RAB21: variants seen among roughly 807,000 people sequenced by gnomAD.
RAB21 encodes the protein RAB21, member RAS oncogene family.
A neutral mutation model predicts 33.1 loss-of-function variants in RAB21; 13 were observed. The observed-to-expected ratio is 0.39, with a 90% confidence interval of 0.26 to 0.62. The LOEUF is 0.62. Ranked by LOEUF, RAB21 falls within the 20% of genes least tolerant of loss-of-function variation. RAB21 has a pLI of 0.48. For synonymous variants in RAB21, 91 were observed against 103.7 expected (o/e 0.88, Z 0.74); for missense variants, 234 against 279.1 (o/e 0.84, Z 1.15).
chr12:71,757,201 T>C (rs1419486325), intron 1 of RAB21, among the ~76,000 whole-genome samples: 1 of 152,124 alleles, frequency 6.6e-6, no homozygotes, highest in African/African-American at 2.4e-5. Flanking sequence ...CTCCACCTCC[T>C]GGGTCAAGTG....
chr12:71,771,390 A>G lies in RAB21; in HGVS notation c.327+691A>G, dbSNP rs375227154. ...TGTGTAACTACAGGGAATAATGCCA[A>G]GGAAGAAGCTTTTCTTGCCTTGAGT... On this transcript the variant is annotated intron_variant, in intron 3 of 6. Coordinates refer to ENST00000261263, the MANE Select transcript of RAB21 (RefSeq NM_014999.4). 5.2e-4 allele frequency among the ~76,000 whole-genome samples: 79 copies of G among 152,340 alleles called. 1 individual carries two copies. The highest frequency in any genetic ancestry group is 4.6e-3 in the South Asian group (22 of 4,828).
rs1445648400 is a variant in RAB21, at chr12:71,787,232, C to T, written c.*1559C>T. The stretch of plus-strand genomic sequence containing the variant: ...TATTAAAGAATTATATTTGTGTATA[C>T]TTTATAAATTAGTCCCTCATTAGAT... On this transcript the variant is annotated 3_prime_UTR_variant, in exon 7 of 7. Transcript: ENST00000261263. 1.3e-5 allele frequency: 2 copies of T among 152,102 alleles called. No individual in the cohort carries two copies. Among genetic ancestry groups the T allele is most frequent in the Non-Finnish European group, 2.9e-5 (2 of 68,024 alleles). 9.4% of individuals were successfully genotyped at this position (152,102 alleles called of 1,614,324 possible).
At chr12:71,755,492 G>A (rs1882771586) in intron 1 of RAB21, among the ~76,000 whole-genome samples, 1 of 152,184 alleles carries the variant, frequency 6.6e-6, no homozygotes, top group African/African-American at 2.4e-5. Flanking sequence ...TGTTGGGAGG[G>A]AAGTGGAAGG....
Position 71,799,223 on chromosome 12 carries a change from G to A in RAB21, c.*13550G>A, listed in dbSNP as rs1364040474. On this transcript the variant is annotated 3_prime_UTR_variant, in exon 7 of 7. Coordinates refer to ENST00000261263, the MANE Select transcript of RAB21 (RefSeq NM_014999.4). Reference sequence around the variant, plus strand: ...CCAGCAGGGCTCCATGGTGACCAGAGGTTGTAGTTCCCCCAGTGAATCATG... The same window carrying A: ...CCAGCAGGGCTCCATGGTGACCAGAAGTTGTAGTTCCCCCAGTGAATCATG... 1 of 152,182 alleles carries A rather than the reference G, an allele frequency of 6.6e-6. No individual in the cohort carries two copies. The highest frequency in any genetic ancestry group is 1.5e-5 in the Non-Finnish European group (1 of 68,040). 9.4% of individuals were successfully genotyped at this position (152,182 alleles called of 1,614,324 possible). A position where few individuals can be genotyped will look rare whatever the true frequency, so the allele number is the denominator to read the frequency against.
intron 4 of RAB21, among the ~76,000 whole-genome samples, chr12:71,775,754 C>A (rs1286267286): frequency 6.6e-6 from 1 of 152,126 alleles, no homozygotes; most frequent in East Asian, 1.9e-4. Context: ...CCAGGCTGTT[C>A]TCAAACTCCT....
At chr12:71,771,636 C>T (rs1883043391) in intron 3 of RAB21, among the ~76,000 whole-genome samples, 1 of 152,114 alleles carries the variant, frequency 6.6e-6, no homozygotes, top group Non-Finnish European at 1.5e-5. Flanking sequence ...TGTTATCTCC[C>T]TCTCGCGTTT....
In RAB21 at chr12:71,789,316, T is replaced by C. The variant is rs1298639772; in HGVS notation, c.*3643T>C. 6.6e-6 allele frequency: 1 copy of C among 152,120 alleles called. No homozygotes were observed. Among genetic ancestry groups the C allele is most frequent in the Non-Finnish European group, 1.5e-5 (1 of 67,970 alleles). The allele number at this position is 152,120 out of a possible 1,614,324, so 9.4% of individuals were successfully genotyped here. A position where few individuals can be genotyped will look rare whatever the true frequency, so the allele number is the denominator to read the frequency against. On this transcript the variant is annotated 3_prime_UTR_variant, in exon 7 of 7. Coordinates refer to ENST00000261263, the MANE Select transcript of RAB21 (RefSeq NM_014999.4). ...GATACTGTTTATTTCTTTAATTATA[T>C]AATTTGCAATTTTCTGTATTATAAG...
chr12:71,785,667 T>C lies in RAB21; in HGVS notation c.672T>C (p.Ser224=), dbSNP rs759825329. 1 of 1,614,166 alleles carries C rather than the reference T, an allele frequency of 6.2e-7. No homozygotes were observed. Among genetic ancestry groups the C allele is most frequent in the East Asian group, 2.2e-5 (1 of 44,872 alleles). ...CCAGTGGTGGAGGGTGCTGTTCTTC[T>C]GGATAACTGTTCACGCCTAAGAAAT... The part of the protein sequence containing the change: ...AQTSGGGCCS[S]G Residue 224 remains serine, a synonymous_variant, in exon 7 of 7, where the codon TCT becomes TCC. Transcript: ENST00000261263.
At chr12:71,759,965 G>A (rs1214957245) in intron 1 of RAB21, among the ~76,000 whole-genome samples, 1 of 152,146 alleles carries the variant, frequency 6.6e-6, no homozygotes, top group Non-Finnish European at 1.5e-5. Flanking sequence ...ATAGACAGCC[G>A]TCATATGTAA....
intron 1 of RAB21, among the ~76,000 whole-genome samples, chr12:71,760,591 G>T (rs544856026): frequency 3.5e-4 from 54 of 152,196 alleles, no homozygotes; most frequent in Non-Finnish European, 7.3e-4. Context: ...ATAACGATGA[G>T]CAAGGTACTT....
At chr12:71,782,333 A>C (rs1305559244) in intron 5 of RAB21, 1 of 527,764 alleles carries the variant, frequency 1.9e-6, no homozygotes, top group Non-Finnish European at 3.4e-6. Flanking sequence ...GCAGTAAGCC[A>C]GAAAAACTTT....
At position 71,790,930 on chromosome 12, in the gene RAB21, T is replaced by C. The variant is rs1484557080; in HGVS notation, c.*5257T>C. ...AAATAGCCTCTGACTCCATGAAACC[T>C]GAAAAGGAATCTGGTCTGTTAGGTG... On this transcript the variant is annotated 3_prime_UTR_variant, in exon 7 of 7. Transcript: ENST00000261263. The C allele has an allele frequency of 6.6e-6, 1 of 152,020 alleles. No individual in the cohort carries two copies. The highest frequency in any genetic ancestry group is 2.4e-5 in the African/African-American group (1 of 41,408). 9.4% of individuals were successfully genotyped at this position (152,020 alleles called of 1,614,324 possible).
chr12:71,778,326 TTTA>T (rs1056386946), intron 4 of RAB21, among the ~76,000 whole-genome samples: 2 of 152,214 alleles, frequency 1.3e-5, no homozygotes, highest in African/African-American at 4.8e-5. Context: ...TGAACAAATA[TTTA>T]TTATTAATCG....
At chr12:71,767,645 A>C (rs1882982186) in intron 1 of RAB21, among the ~76,000 whole-genome samples, 1 of 152,150 alleles carries the variant, frequency 6.6e-6, no homozygotes, top group Non-Finnish European at 1.5e-5. Context: ...GGAAATGTGA[A>C]GACAAGGCTT....
intron 1 of RAB21, among the ~76,000 whole-genome samples, chr12:71,756,444 A>G (rs1882787174): frequency 6.6e-6 from 1 of 152,228 alleles, no homozygotes; most frequent in Non-Finnish European, 1.5e-5. Flanking sequence ...GACACTACTT[A>G]ATAGAATGCG....
At chr12:71,781,265 C>T (rs184001104) in intron 4 of RAB21, among the ~76,000 whole-genome samples, 4 of 151,956 alleles carry the variant, frequency 2.6e-5, no homozygotes, top group East Asian at 1.9e-4. Flanking sequence ...GTCAGGAGTT[C>T]GAGACCATCC....
chr12:71,775,503 A>AT (rs1457381292), intron 4 of RAB21, among the ~76,000 whole-genome samples: 1 of 152,136 alleles, frequency 6.6e-6, no homozygotes, highest in Non-Finnish European at 1.5e-5. Flanking sequence ...AAAGAATGGA[A>AT]TGGTCAGTTT....
At chr12:71,777,625 G>A (rs963273777) in intron 4 of RAB21, among the ~76,000 whole-genome samples, 2 of 152,138 alleles carry the variant, frequency 1.3e-5, no homozygotes, top group Non-Finnish European at 2.9e-5. Context: ...CATTTGACAA[G>A]AATTCATTCT....
chr12:71,761,961 A>G lies in RAB21; in HGVS notation c.159+6673A>G, dbSNP rs193011882. Among the ~76,000 whole-genome samples, 853 of 152,262 alleles carry G rather than the reference A, an allele frequency of 5.6e-3. 11 individuals carry two copies. The highest frequency in any genetic ancestry group is 0.019 in the African/African-American group (810 of 41,550). Reference sequence around the variant, plus strand: ...AAGTATTTTGTAAGTATCCTTGAAAACCATATTACTGTTAATTTAAGTGAT... The same window carrying G: ...AAGTATTTTGTAAGTATCCTTGAAAGCCATATTACTGTTAATTTAAGTGAT... On this transcript the variant is annotated intron_variant, in intron 1 of 6. Transcript: ENST00000261263.
Sources: allele counts gnomAD v4.1 joint callset (sites outside exome capture counted in the v4.1 genomes callset), GRCh38; gene constraint gnomAD v4.1.1; transcripts MANE v1.5; gene names NCBI Gene and HGNC (gene_info 2026-07-23, HGNC 2026-07-21).